Variants in HEATR4 observed in about 807,000 individuals in gnomAD.
The protein encoded by HEATR4 is HEAT repeat-containing protein 4.
A neutral mutation model predicts 108.8 loss-of-function variants in HEATR4; 95 were observed. The ratio of observed to expected loss-of-function variants is 0.87; its 90% CI spans 0.74 to 1.04. The LOEUF is 1.04. HEATR4 is among the 50% of genes least tolerant of loss of function. HEATR4 has a pLI of 0.00. For missense variants in HEATR4, 1,152 were observed against 1,253.8 expected (o/e 0.92, Z 1.23); for synonymous variants, 443 against 459.4 (o/e 0.96, Z 0.46).
At chr14:73,570,976 CTTT>C in the HEATR4 span, among the ~76,000 whole-genome samples, 6 of 74,366 alleles carry the variant, frequency 8.1e-5, no homozygotes, top group African/African-American at 3.2e-4. Flanking sequence ...TAGGAAGCCA[CTTT>C]TTTTTTTTTT....
Position 73,495,399 on chromosome 14 carries a change from C to G in HEATR4, c.2626-12G>C. Reference sequence around the variant, plus strand: ...CTTAGTGTTTTAATCTAAATTAGAACAAATAATGTTTGAAAAACAAAACAA... The same window carrying G: ...CTTAGTGTTTTAATCTAAATTAGAAGAAATAATGTTTGAAAAACAAAACAA... On this transcript the variant is annotated splice_polypyrimidine_tract_variant and intron_variant, in intron 15 of 17. Coordinates refer to ENST00000553558, the MANE Select transcript of HEATR4 (RefSeq NM_001220484.1). 1.2e-6 allele frequency: 2 copies of G among 1,606,350 alleles called. No individual in the cohort carries two copies. The highest frequency in any genetic ancestry group is 1.7e-6 in the Non-Finnish European group (2 of 1,175,884).
chr14:73,609,658 T>C, the HEATR4 span, among the ~76,000 whole-genome samples: 1 of 152,158 alleles, frequency 6.6e-6, no homozygotes, highest in Non-Finnish European at 1.5e-5. Context: ...ATTTTATTTT[T>C]GAGACAGAAT....
the HEATR4 span, among the ~76,000 whole-genome samples, chr14:73,612,220 A>G: frequency 1.3e-5 from 2 of 151,996 alleles, no homozygotes; most frequent in Non-Finnish European, 1.5e-5. Context: ...TTGTATTTTC[A>G]GTAGAGATGA....
At chr14:73,511,255 GTAATCCC>G (rs1887231429) in intron 7 of HEATR4, among the ~76,000 whole-genome samples, 1 of 152,130 alleles carries the variant, frequency 6.6e-6, no homozygotes, top group Non-Finnish European at 1.5e-5. Context: ...GCTCATGCCT[GTAATCCC>G]AGCACTTTGG....
At chr14:73,576,262 ATG>A in the HEATR4 span, among the ~76,000 whole-genome samples, 2 of 152,030 alleles carry the variant, frequency 1.3e-5, no homozygotes, top group African/African-American at 4.8e-5. Flanking sequence ...TCCTTTAAGA[ATG>A]GAAGTTAACA....
rs373711592 is a variant in HEATR4 at position 73,492,720 on chromosome 14, A to G, written c.2844+346T>C. On this transcript the variant is annotated intron_variant, in intron 17 of 17. Transcript: ENST00000553558. The surrounding 1 kb of genome is among the most constrained non-coding windows in gnomAD (Gnocchi z 4.9). Reference sequence around the variant, plus strand: ...GGTGAGGGGGGCCATTTGTTTCTCTATTACACAGTGGAAAACTCCCGTGTG... The same window carrying G: ...GGTGAGGGGGGCCATTTGTTTCTCTGTTACACAGTGGAAAACTCCCGTGTG... 13 of 1,613,822 alleles carry G rather than the reference A, an allele frequency of 8.1e-6. No homozygotes were observed. The highest frequency in any genetic ancestry group is 1.0e-5 in the Non-Finnish European group (12 of 1,179,904).
the HEATR4 span, among the ~76,000 whole-genome samples, chr14:73,627,997 C>T: frequency 0.02 from 3,007 of 152,212 alleles, 43 homozygotes; most frequent in Non-Finnish European, 0.028. Flanking sequence ...TTAGTAGAGA[C>T]GGAGTCTTGC....
At chr14:73,510,769 CCA>C (rs941387717) in intron 7 of HEATR4, among the ~76,000 whole-genome samples, 2 of 152,116 alleles carry the variant, frequency 1.3e-5, no homozygotes, top group Admixed American at 6.6e-5. Context: ...CTTGAGCATT[CCA>C]CAGAGTCTTG....
chr14:73,517,032 T>G (rs1294942271), intron 5 of HEATR4, among the ~76,000 whole-genome samples: 3 of 152,098 alleles, frequency 2.0e-5, no homozygotes, highest in Non-Finnish European at 4.4e-5. Flanking sequence ...ATCCCAGCAC[T>G]TTGTTTGGGA....
intron 7 of HEATR4, 36 bp from the exon 8 acceptor site, chr14:73,509,509 C>T: frequency 6.2e-7 from 1 of 1,605,960 alleles, no homozygotes; most frequent in Non-Finnish European, 8.5e-7. Context: ...GAGTACTAGC[C>T]CCTTTGCTTT....
chr14:73,592,101 G>T, the HEATR4 span: 6 of 1,503,338 alleles, frequency 4.0e-6, no homozygotes, highest in South Asian at 7.7e-5. Flanking sequence ...GCTCTTCCGG[G>T]CCCACGCGCG....
chr14:73,543,746 A>G (rs1177294486), intron 1 of HEATR4: 1 of 756,288 alleles, frequency 1.3e-6, no homozygotes, highest in African/African-American at 1.6e-5. Flanking sequence ...ATTCTTTCTC[A>G]TAACTTCTTA....
chr14:73,561,241 C>T (rs1448582219), upstream of HEATR4, among the ~76,000 whole-genome samples: 4 of 151,954 alleles, frequency 2.6e-5, no homozygotes, highest in Non-Finnish European at 4.4e-5. Context: ...TGGCAGGCGC[C>T]TGTAATCCCA....
intron 9 of HEATR4, among the ~76,000 whole-genome samples, 168 bp downstream of exon 9, chr14:73,507,966 G>C (rs534847539): frequency 6.6e-6 from 1 of 152,072 alleles, no homozygotes; most frequent in Admixed American, 6.6e-5. Context: ...GTCTGGTCTC[G>C]AACTCCTGAC....
At chr14:73,615,257 G>A in the HEATR4 span, among the ~76,000 whole-genome samples, 1 of 150,294 alleles carries the variant, frequency 6.7e-6, no homozygotes, top group East Asian at 2.0e-4. Flanking sequence ...CATGGTGGCG[G>A]GCGCCTGTAA....
chr14:73,593,341 T>TTC, the HEATR4 span, among the ~76,000 whole-genome samples: 1 of 139,404 alleles, frequency 7.2e-6, no homozygotes, highest in Non-Finnish European at 1.5e-5. Flanking sequence ...TCTTTCTTTT[T>TTC]TTTTTTTTTT....
At chr14:73,487,601 G>A (rs1432327683) in intron 17 of HEATR4, among the ~76,000 whole-genome samples, 2 of 152,166 alleles carry the variant, frequency 1.3e-5, no homozygotes, top group East Asian at 3.9e-4. Flanking sequence ...TATATTTTTA[G>A]CAGGGCATGG....
At chr14:73,574,566 AGAT>A in the HEATR4 span, among the ~76,000 whole-genome samples, 1 of 151,900 alleles carries the variant, frequency 6.6e-6, no homozygotes, top group African/African-American at 2.4e-5. Context: ...CCCGGCCATG[AGAT>A]GATGTACTTG....
chr14:73,505,393 G>GTTTT, intron 10 of HEATR4, among the ~76,000 whole-genome samples: 1 of 141,370 alleles, frequency 7.1e-6, no homozygotes, highest in East Asian at 2.0e-4. Flanking sequence ...TTTTTGTTTT[G>GTTTT]TTTTTTTTTG....
Sources: allele counts gnomAD v4.1 joint callset (sites outside exome capture counted in the v4.1 genomes callset), GRCh38; gene constraint gnomAD v4.1.1; non-coding constraint Gnocchi (gnomAD v3.1); transcripts MANE v1.5; gene names NCBI Gene and HGNC (gene_info 2026-07-23, HGNC 2026-07-21).